Variants in ACTC1 observed in about 807,000 individuals in gnomAD.
ACTC1 encodes actin alpha cardiac muscle 1, also known as actin, alpha cardiac muscle 1.
ACTC1 carries 10 observed loss-of-function variants against 31.6 expected under a neutral mutation model. That is an observed-to-expected ratio of 0.32 (90% confidence interval 0.19 to 0.54). The LOEUF (loss-of-function observed/expected upper bound fraction) is 0.54. Among genes scored for constraint, ACTC1 ranks in the 20% least tolerant of loss-of-function variants. ACTC1 has a pLI of 0.95. For synonymous variants in ACTC1, 196 were observed against 185.0 expected (o/e 1.06, Z -0.48); for missense variants, 129 against 506.4 (o/e 0.25, Z 7.15).
At chr15:34,794,380 G>A (rs1028772438) in intron 2 of ACTC1, among the ~76,000 whole-genome samples, 2 of 152,194 alleles carry the variant, frequency 1.3e-5, no homozygotes, top group Non-Finnish European at 2.9e-5. Flanking sequence ...AAAATGAAGT[G>A]TATAAGGCAG....
At chr15:34,791,716 T>C (rs534755873) in intron 5 of ACTC1, 2 of 350,958 alleles carry the variant, frequency 5.7e-6, no homozygotes, top group South Asian at 6.6e-5. Flanking sequence ...TGCCCAGTTA[T>C]TAATATGAGT....
Position 34,791,164 on chromosome 15 carries a change from G to C in ACTC1, c.940C>G (p.Arg314Gly). The C allele has an allele frequency of 6.2e-7, 1 of 1,611,384 alleles. No individual in the cohort carries two copies. Among genetic ancestry groups the C allele is most frequent in the Non-Finnish European group, 8.5e-7 (1 of 1,177,796 alleles). Residue 314 changes from arginine to glycine, a missense_variant, in exon 6 of 7, where the codon CGT becomes GGT. Physicochemically the swap from Arg to Gly is moderately radical, Grantham distance 125. Transcript: ENST00000290378. ...GTTMYPGIAD[R>G]MQKEITALAP... is the part of the protein sequence containing the mutation. ...AGAGCAGTGATTTCCTTCTGCATAC[G>C]ATCAGCAATACCAGGGTACATAGTG...
Position 34,793,202 on chromosome 15 carries a change from G to A in ACTC1, c.454+43C>T. 5 of 1,591,542 alleles carry A rather than the reference G, an allele frequency of 3.1e-6. No individual in the cohort carries two copies. The highest frequency in any genetic ancestry group is 1.3e-5 in the African/African-American group (1 of 74,546). On this transcript the variant is annotated intron_variant, in intron 3 of 6. Transcript: ENST00000290378. The surrounding 1 kb of genome is among the most constrained non-coding windows in gnomAD (Gnocchi z 4.8). ...TGATTCACAGCAAGGTCGGTGACTT[G>A]GGAATGTGATTCATCAGTAACTGTC...
Position 34,791,307 on chromosome 15 carries a change from T to C in ACTC1, c.809-12A>G, listed in dbSNP as rs587780846. ...AGCAGATTCCATACCTGGGAACGAGTCACACACACACACACACACACACAC... is the reference window on the plus strand; with the variant it reads ...AGCAGATTCCATACCTGGGAACGAGCCACACACACACACACACACACACAC... On this transcript the variant is annotated splice_polypyrimidine_tract_variant and intron_variant, in intron 5 of 6. Coordinates refer to ENST00000290378, the MANE Select transcript of ACTC1 (RefSeq NM_005159.5). The C allele has an allele frequency of 1.1e-5, 15 of 1,309,116 alleles. No homozygotes were observed. The highest frequency in any genetic ancestry group is 2.1e-4 in the Middle Eastern group (1 of 4,826). The allele number at this position is 1,309,116 out of a possible 1,614,324, so 81.1% of individuals were successfully genotyped here. A position where few individuals can be genotyped will look rare whatever the true frequency, so the allele number is the denominator to read the frequency against.
chr15:34,790,706 A>C, intron 6 of ACTC1, 151 bp from the exon 7 acceptor site: 1 of 776,486 alleles, frequency 1.3e-6, no homozygotes, highest in African/African-American at 1.7e-5. Flanking sequence ...GTGGCCAATC[A>C]AGTTATATGA....
In ACTC1 at chr15:34,794,700, C is replaced by T. The variant is rs1407311947; in HGVS notation, c.109G>A (p.Val37Met). 6.2e-7 allele frequency: 1 copy of T among 1,612,578 alleles called. No homozygotes were observed. Among genetic ancestry groups the T allele is most frequent in the Non-Finnish European group, 8.5e-7 (1 of 1,179,440 alleles). The change falls in exon 2 of 7, where the codon GTG becomes ATG. Residue 37 changes from valine (V) to methionine (M), a missense_variant. Physicochemically the swap from Val to Met is conservative, Grantham distance 21. This residue lies in a region of ACTC1 where 35 missense variants were observed against 102.3 expected (regional missense o/e 0.34). Coordinates refer to ENST00000290378, the MANE Select transcript of ACTC1 (RefSeq NM_005159.5). Reference protein sequence around the residue: ...DAPRAVFPSIVGRPRHQGVMV... With the variant: ...DAPRAVFPSIMGRPRHQGVMV... Reference sequence around the variant, plus strand: ...TTTACCTGGTGCCGCGGGCGGCCCACGATGGACGGGAAGACAGCGCGGGGC... The same window carrying T: ...TTTACCTGGTGCCGCGGGCGGCCCATGATGGACGGGAAGACAGCGCGGGGC...
chr15:34,791,530 C>T (rs1251408483), intron 5 of ACTC1, among the ~76,000 whole-genome samples: 1 of 152,146 alleles, frequency 6.6e-6, no homozygotes, highest in East Asian at 1.9e-4. Context: ...GTGCTTAGCA[C>T]CTGTTTCAAG....
Position 34,790,363 on chromosome 15 carries a change from G to A in ACTC1, c.*49C>T. 1.9e-6 allele frequency: 3 copies of A among 1,608,780 alleles called. No homozygotes were observed. The East Asian group carries it at 6.7e-5, about 36-fold the overall frequency. ...AAGGTGGTTTGGAAGACTCCAAGAA[G>A]CATAATACCGTCATCCTGACTGGAA... On this transcript the variant is annotated 3_prime_UTR_variant, in exon 7 of 7. Coordinates refer to ENST00000290378, the MANE Select transcript of ACTC1 (RefSeq NM_005159.5).
chr15:34,791,741 A>G (rs1171233891), intron 5 of ACTC1: 2 of 379,494 alleles, frequency 5.3e-6, no homozygotes, highest in Non-Finnish European at 9.8e-6. Flanking sequence ...ATGTTATTGC[A>G]TTTAATGATG....
chr15:34,791,880 G>A (rs1891713528), intron 5 of ACTC1: 2 of 584,464 alleles, frequency 3.4e-6, no homozygotes, highest in Non-Finnish European at 6.0e-6. Flanking sequence ...ATTTTGAGAT[G>A]AACTCAGTGT....
In ACTC1 at chr15:34,791,955, G is replaced by A. The variant is rs1282901492; in HGVS notation, c.808+135C>T. On this transcript the variant is annotated intron_variant, in intron 5 of 6. Transcript: ENST00000290378. The stretch of plus-strand genomic sequence containing the variant: ...CCCCTTTAATGAGCCATCAGGACTT[G>A]AGGTTGAGCTGTGTGGGAATCCAAA... The A allele has an allele frequency of 5.8e-6, 5 of 859,688 alleles. 1 individual carries two copies. The highest frequency in any genetic ancestry group is 4.5e-5 in the South Asian group (3 of 65,946). The allele number at this position is 859,688 out of a possible 1,614,324, so 53.3% of individuals were successfully genotyped here.
chr15:34,792,488 C>A lies in ACTC1; in HGVS notation c.536G>T (p.Arg179Leu), dbSNP rs201921957. Residue 179 changes from arginine to leucine, a missense_variant, in exon 4 of 7, where the codon CGT becomes CTT. Physicochemically the swap from Arg to Leu is moderately radical, Grantham distance 102. Around this residue, in one of 5 missense-constraint regions of ACTC1, gnomAD observed 37 missense variants for 228.6 expected, o/e 0.16. Coordinates refer to ENST00000290378, the MANE Select transcript of ACTC1 (RefSeq NM_005159.5). The surrounding 1 kb of genome is among the most constrained non-coding windows in gnomAD (Gnocchi z 5.3). The stretch of plus-strand genomic sequence containing the variant: ...GAGGTCCCGACCAGCCAGATCCAGA[C>A]GCATGATGGCATGGGGCAAAGCGTA... ...EGYALPHAIM[R>L]LDLAGRDLTD... The A allele has an allele frequency of 6.2e-7, 1 of 1,614,138 alleles. No homozygotes were observed. Among genetic ancestry groups the A allele is most frequent in the Admixed American group, 1.7e-5 (1 of 60,024 alleles).
At chr15:34,794,883 CCTT>C in intron 1 of ACTC1, 53 bp from the exon 2 acceptor site, 1 of 1,572,386 alleles carries the variant, frequency 6.4e-7, no homozygotes, top group East Asian at 2.3e-5. Flanking sequence ...GTGCAGCTGG[CCTT>C]CTCCGCACCC....
rs1251633849 is a variant in ACTC1, at chr15:34,793,282, C to T, written c.417G>A (p.Gln139=). Residue 139 remains glutamine, a synonymous_variant, in exon 3 of 7, where the codon CAG becomes CAA. Coordinates refer to ENST00000290378, the MANE Select transcript of ACTC1 (RefSeq NM_005159.5). This position sits in a 1 kb window ranked among gnomAD's most constrained non-coding sequence, Gnocchi z 4.8. ...FNVPAMYVAI[Q]AVLSLYASGR... is the part of the protein sequence containing the mutation. ...CAGAAGCATACAGGGATAGCACTGC[C>T]TGGATGGCCACGTACATGGCAGGGA... 6.2e-7 allele frequency: 1 copy of T among 1,614,136 alleles called. No homozygotes were observed. The highest frequency in any genetic ancestry group is 2.2e-5 in the East Asian group (1 of 44,880).
At position 34,791,073 on chromosome 15, in the gene ACTC1, C is replaced by A. The variant is rs764640888; in HGVS notation, c.990+41G>T. The A allele has an allele frequency of 5.2e-6, 8 of 1,546,758 alleles. No homozygotes were observed. The Admixed American group carries it at 1.0e-4, about 20-fold the overall frequency. ...TGGAACGTAGTTCTGCTTAGAATAC[C>A]AAGACTTGCCTCGGATCTCCCACTC... On this transcript the variant is annotated intron_variant, in intron 6 of 6. Transcript: ENST00000290378.
At position 34,794,831 on chromosome 15, in the gene ACTC1, C is replaced by T. The variant is rs774956583; in HGVS notation, c.-22-1G>A. On this transcript the variant is annotated splice_acceptor_variant, in intron 1 of 6. Transcript: ENST00000290378. LOFTEE classifies it low-confidence loss of function (5UTR_SPLICE). ...CATCTTGGCACAGCTTCAGGGGGTT[C>T]TGCAGGTTGAGGAGGGGAGGGCGGA... is the stretch of plus-strand genomic sequence containing the variant. The T allele has an allele frequency of 6.2e-7, 1 of 1,609,040 alleles. No homozygotes were observed. The highest frequency in any genetic ancestry group is 1.1e-5 in the South Asian group (1 of 90,802).
At chr15:34,791,775 T>A in intron 5 of ACTC1, 1 of 413,048 alleles carries the variant, frequency 2.4e-6, no homozygotes, top group Non-Finnish European at 4.5e-6. Flanking sequence ...GTCCAGCTAC[T>A]TGGTAGTGAA....
At chr15:34,795,163 A>G (rs79209261) in intron 1 of ACTC1, among the ~76,000 whole-genome samples, 1 of 151,468 alleles carries the variant, frequency 6.6e-6, no homozygotes, top group African/African-American at 2.4e-5. Flanking sequence ...CGAACTGGGA[A>G]CTCGATCTCC....
intron 6 of ACTC1, 42 bp downstream of exon 6, chr15:34,791,072 C>G: frequency 6.5e-7 from 1 of 1,547,002 alleles, no homozygotes; most frequent in Non-Finnish European, 8.8e-7. Context: ...GCTTAGAATA[C>G]CAAGACTTGC....
Sources: allele counts gnomAD v4.1 joint callset (sites outside exome capture counted in the v4.1 genomes callset), GRCh38; gene constraint gnomAD v4.1.1; regional missense constraint gnomAD v4.1.1; non-coding constraint Gnocchi (gnomAD v3.1); transcripts MANE v1.5; gene names NCBI Gene and HGNC (gene_info 2026-07-23, HGNC 2026-07-21).